The following CALD1 variants were observed in gnomAD, a reference collection of about 807,000 sequenced individuals.
CALD1 encodes the protein caldesmon.
A neutral mutation model predicts 99.9 loss-of-function variants in CALD1; 33 were observed. The ratio of observed to expected loss-of-function variants is 0.33; its 90% CI spans 0.25 to 0.44. The LOEUF is 0.44. Ranked by LOEUF, CALD1 falls within the 20% of genes least tolerant of loss-of-function variation. The pLI, the probability that CALD1 is intolerant of heterozygous loss-of-function variation, is 1.00. For missense variants in CALD1, 861 were observed against 962.1 expected (o/e 0.89, Z 1.39); for synonymous variants, 310 against 325.0 (o/e 0.95, Z 0.50).
intron 1 of CALD1, among the ~76,000 whole-genome samples, chr7:134,745,872 C>A (rs2131540954): frequency 6.6e-6 from 1 of 152,282 alleles, no homozygotes; most frequent in African/African-American, 2.4e-5. Context: ...TTTTGCTGAG[C>A]ATCCCAGAGT....
chr7:134,820,212 G>A (rs1350026809), intron 1 of CALD1, among the ~76,000 whole-genome samples: 1 of 152,196 alleles, frequency 6.6e-6, no homozygotes. Context: ...TGTCTACATT[G>A]TAAGAAGATT....
intron 3 of CALD1, among the ~76,000 whole-genome samples, chr7:134,926,035 G>A (rs984192928): frequency 3.9e-5 from 6 of 152,148 alleles, no homozygotes; most frequent in East Asian, 3.8e-4. Context: ...CAAACCACTG[G>A]GAAGGGCTTT....
chr7:134,711,876 G>A, the CALD1 span, among the ~76,000 whole-genome samples: 1 of 151,378 alleles, frequency 6.6e-6, no homozygotes, highest in African/African-American at 2.4e-5. Context: ...AGGCAAGGTT[G>A]GTGGAGGAGG....
intron 3 of CALD1, among the ~76,000 whole-genome samples, chr7:134,917,522 G>A (rs148305727): frequency 2.6e-5 from 4 of 152,132 alleles, no homozygotes; most frequent in African/African-American, 9.6e-5. Context: ...CTAACTTTTT[G>A]TATTTTTAGT....
At chr7:134,740,549 C>T (rs1037057429), upstream of CALD1, among the ~76,000 whole-genome samples, 50 of 152,136 alleles carry the variant, frequency 3.3e-4, no homozygotes, top group African/African-American at 1.2e-3. Context: ...GATATGGCTC[C>T]ACAAACTTAC....
At chr7:134,959,396 G>A (rs1808076595) in intron 11 of CALD1, among the ~76,000 whole-genome samples, 1 of 152,134 alleles carries the variant, frequency 6.6e-6, no homozygotes, top group Non-Finnish European at 1.5e-5. Flanking sequence ...TTGAGGCCAA[G>A]TGTGGTGACT....
In CALD1 at chr7:134,941,255, G is replaced by A; in HGVS notation, c.1532+18G>A. On this transcript the variant is annotated intron_variant, in intron 7 of 14. Transcript: ENST00000361675. Reference sequence around the variant, plus strand: ...ACTTTCAGGTAAGAAGTAGCAACTAGTTAATAGAAACTGTGTTCACATGCA... The same window carrying A: ...ACTTTCAGGTAAGAAGTAGCAACTAATTAATAGAAACTGTGTTCACATGCA... 5.2e-6 allele frequency: 8 copies of A among 1,538,824 alleles called. No homozygotes were observed. The highest frequency in any genetic ancestry group is 1.7e-4 in the Middle Eastern group (1 of 5,746).
chr7:134,922,974 A>C (rs1010149863), intron 3 of CALD1, among the ~76,000 whole-genome samples: 1 of 152,210 alleles, frequency 6.6e-6, no homozygotes, highest in African/African-American at 2.4e-5. Context: ...TGGTTCCAGG[A>C]ATGGAAGAAA....
At chr7:134,779,605 G>A (rs1334088193), upstream of CALD1, 8 of 398,480 alleles carry the variant, frequency 2.0e-5, no homozygotes, top group Admixed American at 8.8e-5. Flanking sequence ...GGCCAAGGAA[G>A]GGCGGTCTGG....
At chr7:134,802,237 A>G (rs1022974072) in intron 1 of CALD1, among the ~76,000 whole-genome samples, 1 of 152,098 alleles carries the variant, frequency 6.6e-6, no homozygotes, top group Non-Finnish European at 1.5e-5. Flanking sequence ...CCATTACCAC[A>G]TTGCCTACCT....
At chr7:134,768,534 T>C (rs1483155599) in intron 1 of CALD1, among the ~76,000 whole-genome samples, 2 of 152,208 alleles carry the variant, frequency 1.3e-5, no homozygotes, top group African/African-American at 4.8e-5. Context: ...CTAGTTGGGC[T>C]GGCCCCAAGT....
chr7:134,816,123 T>C (rs1314697516), intron 1 of CALD1, among the ~76,000 whole-genome samples: 1 of 152,214 alleles, frequency 6.6e-6, no homozygotes, highest in Non-Finnish European at 1.5e-5. Context: ...AGTAGTCATC[T>C]CCAGCTTTAA....
At chr7:134,964,994 T>G (rs1215936545) in intron 13 of CALD1, among the ~76,000 whole-genome samples, 1 of 152,082 alleles carries the variant, frequency 6.6e-6, no homozygotes, top group Non-Finnish European at 1.5e-5. Context: ...CACACGCCTG[T>G]AATCCCAGCT....
intron 1 of CALD1, among the ~76,000 whole-genome samples, chr7:134,842,661 T>C (rs1008663): frequency 0.22 from 33,414 of 152,210 alleles, 4,508 homozygotes; most frequent in African/African-American, 0.38. Flanking sequence ...TCTCACCCTC[T>C]GCTCTTAGTA....
At chr7:134,869,892 C>T (rs540612557) in intron 3 of CALD1, among the ~76,000 whole-genome samples, 111 of 152,198 alleles carry the variant, frequency 7.3e-4, no homozygotes, top group African/African-American at 2.6e-3. Flanking sequence ...AAGAAGACAA[C>T]GTACCAGGGA....
At chr7:134,928,985 T>C in intron 4 of CALD1, 85 bp downstream of exon 4, 1 of 1,225,764 alleles carries the variant, frequency 8.2e-7, no homozygotes, top group Non-Finnish European at 1.1e-6. Context: ...AGCATTCCTT[T>C]CTCAGCCCAA....
the CALD1 span, among the ~76,000 whole-genome samples, chr7:134,723,835 G>A: frequency 6.6e-6 from 1 of 152,162 alleles, no homozygotes; most frequent in Non-Finnish European, 1.5e-5. Context: ...TTTAGAGGTA[G>A]CCAGTTGGAC....
chr7:134,904,521 C>T (rs1219417376), intron 3 of CALD1, among the ~76,000 whole-genome samples: 1 of 151,948 alleles, frequency 6.6e-6, no homozygotes, highest in Non-Finnish European at 1.5e-5. Flanking sequence ...TCGTTGTTCT[C>T]ACCACTGCAC....
chr7:134,965,072 C>T lies in CALD1; in HGVS notation c.2296-234C>T, dbSNP rs575142258. On this transcript the variant is annotated intron_variant, in intron 13 of 14. Coordinates refer to ENST00000361675, the MANE Select transcript of CALD1 (RefSeq NM_033138.4). ...TGGAGGTCGCAGTGAGCCAAGATCA[C>T]GCCACTACACTCCAGCTTGGGCTAC... is the stretch of plus-strand genomic sequence containing the variant. 2.4e-4 allele frequency: 92 copies of T among 390,906 alleles called. 1 individual carries two copies. Among genetic ancestry groups the T allele is most frequent in the African/African-American group, 1.6e-3 (78 of 48,512 alleles). 24.2% of individuals were successfully genotyped at this position (390,906 alleles called of 1,614,324 possible). A position where few individuals can be genotyped will look rare whatever the true frequency, so the allele number is the denominator to read the frequency against.
Sources: allele counts gnomAD v4.1 joint callset (sites outside exome capture counted in the v4.1 genomes callset), GRCh38; gene constraint gnomAD v4.1.1; transcripts MANE v1.5; gene names NCBI Gene and HGNC (gene_info 2026-07-23, HGNC 2026-07-21).